EML4: variants seen among roughly 807,000 people sequenced by gnomAD.
EML4 encodes the protein echinoderm microtubule-associated protein-like 4.
Under a neutral mutation model 129.0 loss-of-function variants are expected in EML4, and 72 were observed. The ratio of observed to expected loss-of-function variants is 0.56; its 90% CI spans 0.46 to 0.68. The LOEUF (loss-of-function observed/expected upper bound fraction) is 0.68, where lower values mean the gene tolerates loss of function less well. Ranked by LOEUF, EML4 falls within the 30% of genes least tolerant of loss-of-function variation. The pLI is 0.00. For missense variants in EML4, 1,363 were observed against 1,190.6 expected (o/e 1.14, Z -2.13); for synonymous variants, 532 against 405.0 (o/e 1.31, Z -3.77).
intron 1 of EML4, among the ~76,000 whole-genome samples, chr2:42,206,919 C>T (rs978323929): frequency 2.4e-4 from 37 of 152,116 alleles, no homozygotes; most frequent in African/African-American, 6.0e-4. Flanking sequence ...TAGCTAATTT[C>T]TACATCTGTA....
At chr2:42,295,349 G>T in intron 12 of EML4, 32 bp from the exon 13 acceptor site, 1 of 1,605,448 alleles carries the variant, frequency 6.2e-7, no homozygotes, top group Non-Finnish European at 8.5e-7. Flanking sequence ...ATGGCAAAAA[G>T]AAAACTGAAA....
chr2:42,291,832 A>G (rs997720202), intron 11 of EML4, among the ~76,000 whole-genome samples: 1 of 152,216 alleles, frequency 6.6e-6, no homozygotes, highest in Non-Finnish European at 1.5e-5. Flanking sequence ...ACAGCAAAAG[A>G]CTTCCGGCAC....
intron 1 of EML4, among the ~76,000 whole-genome samples, chr2:42,226,982 A>G (rs748112622): frequency 2.6e-5 from 4 of 152,248 alleles, no homozygotes; most frequent in Non-Finnish European, 4.4e-5. Context: ...CAAAATTTCC[A>G]TGAAATTCAA....
At chr2:42,170,237 C>T (rs1670189300) in intron 1 of EML4, 1 of 152,288 alleles carries the variant, frequency 6.6e-6, no homozygotes, top group African/African-American at 2.4e-5. Context: ...CTTCTCTGAG[C>T]ATTTTGCAGT....
intron 13 of EML4, among the ~76,000 whole-genome samples, chr2:42,300,701 T>C (rs1668234314): frequency 6.6e-6 from 1 of 152,212 alleles, no homozygotes; most frequent in South Asian, 2.1e-4. Context: ...TTAACAATGG[T>C]TGTAAAACGT....
rs766201889 is a variant in EML4, at chr2:42,303,099, T to C, written c.1642-5T>C. ...TATATGGTGACTTTACACTTTTTTT[T>C]CTAGGTTCCTGATCAGTATGGCACA... On this transcript the variant is annotated splice_region_variant and splice_polypyrimidine_tract_variant and intron_variant, in intron 14 of 22. Coordinates refer to ENST00000318522, the MANE Select transcript of EML4 (RefSeq NM_019063.5). The C allele has an allele frequency of 6.2e-6, 10 of 1,613,220 alleles. No homozygotes were observed. The highest frequency in any genetic ancestry group is 3.3e-5 in the South Asian group (3 of 90,820).
In EML4 at chr2:42,264,103, G is replaced by GTTTTTTTTTTT. The variant is rs9309080; in HGVS notation, c.642-587_642-577dup. On this transcript the variant is annotated intron_variant, in intron 5 of 22. Coordinates refer to ENST00000318522, the MANE Select transcript of EML4 (RefSeq NM_019063.5). ...AAGGCTCCCAACTCAAACAATACGT[G>GTTTTTTTTTTT]TTTTTTTTTTTTTTTTTTTTTTTTT... 4.0e-5 allele frequency among the ~76,000 whole-genome samples: 4 copies of GTTTTTTTTTTT among 100,748 alleles called. 1 individual carries two copies. Among genetic ancestry groups the GTTTTTTTTTTT allele is most frequent in the African/African-American group, 7.2e-5 (2 of 27,904 alleles). The allele number at this position is 100,748 out of a possible 152,430, so 66.1% of individuals were successfully genotyped here.
chr2:42,179,349 T>C (rs1670799721), intron 1 of EML4, among the ~76,000 whole-genome samples: 1 of 151,330 alleles, frequency 6.6e-6, no homozygotes, highest in East Asian at 1.9e-4. Context: ...GGTAACTAAA[T>C]GAACTACCTG....
chr2:42,248,545 C>T (rs1675560672), intron 2 of EML4, among the ~76,000 whole-genome samples: 1 of 152,084 alleles, frequency 6.6e-6, no homozygotes, highest in Middle Eastern at 3.2e-3. Flanking sequence ...TATCCTTAGT[C>T]ATAATTCCTA....
chr2:42,183,775 T>C (rs1248013152), intron 1 of EML4, among the ~76,000 whole-genome samples: 1 of 152,196 alleles, frequency 6.6e-6, no homozygotes, highest in African/African-American at 2.4e-5. Flanking sequence ...AATCTGGCTG[T>C]ATTTCAATAA....
chr2:42,288,213 T>C lies in EML4; in HGVS notation c.1123-14T>C, dbSNP rs567975399. On this transcript the variant is annotated splice_polypyrimidine_tract_variant and intron_variant, in intron 10 of 22. Coordinates refer to ENST00000318522, the MANE Select transcript of EML4 (RefSeq NM_019063.5). Reference sequence around the variant, plus strand: ...CAGTGAATTTTAAAATGCCTCTGATTGACTTTTCTTTAGGATTCAGGTGTT... The same window carrying C: ...CAGTGAATTTTAAAATGCCTCTGATCGACTTTTCTTTAGGATTCAGGTGTT... 1.7e-5 allele frequency: 20 copies of C among 1,163,570 alleles called. No individual in the cohort carries two copies. In the South Asian group the frequency reaches 2.9e-4, roughly 17 times the overall value. The allele number at this position is 1,163,570 out of a possible 1,614,324, so 72.1% of individuals were successfully genotyped here. A position where few individuals can be genotyped will look rare whatever the true frequency, so the allele number is the denominator to read the frequency against.
intron 13 of EML4, among the ~76,000 whole-genome samples, chr2:42,300,716 C>T (rs369082825): frequency 1.5e-4 from 23 of 152,122 alleles, no homozygotes; most frequent in African/African-American, 4.3e-4. Flanking sequence ...AAACGTTAAA[C>T]GTTGTGACTG....
At chr2:42,292,037 G>A (rs983986790) in intron 11 of EML4, among the ~76,000 whole-genome samples, 34 of 152,292 alleles carry the variant, frequency 2.2e-4, no homozygotes, top group African/African-American at 7.9e-4. Context: ...CAGTGCTGCT[G>A]GGCATGTAAG....
chr2:42,315,404 G>A (rs1357060592), intron 17 of EML4, among the ~76,000 whole-genome samples: 1 of 152,100 alleles, frequency 6.6e-6, no homozygotes, highest in African/African-American at 2.4e-5. Flanking sequence ...ACAGTGCCTA[G>A]CAAAGAGACA....
intron 17 of EML4, among the ~76,000 whole-genome samples, chr2:42,305,725 T>C (rs57892674): frequency 0.034 from 5,169 of 152,314 alleles, 265 homozygotes; most frequent in African/African-American, 0.11. Context: ...GAAGTCAATT[T>C]TCCCAAAATT....
intron 6 of EML4, among the ~76,000 whole-genome samples, chr2:42,271,886 T>C (rs936624359): frequency 3.3e-5 from 5 of 151,472 alleles, no homozygotes; most frequent in Non-Finnish European, 5.9e-5. Context: ...GCAGATCACC[T>C]GAGGTCAGGA....
In EML4 at chr2:42,295,630, C is replaced by T. The variant is rs1394421581; in HGVS notation, c.1489+114C>T. 10 of 748,474 alleles carry T rather than the reference C, an allele frequency of 1.3e-5. No homozygotes were observed. The African/African-American group carries it at 1.4e-4, about 11-fold the overall frequency. 46.4% of individuals were successfully genotyped at this position (748,474 alleles called of 1,614,324 possible). ...GCAGTGTAACAATATGAGCAAGTCACCAACATACCTTTTGTTTTCAGCATT... is the reference window on the plus strand; with the variant it reads ...GCAGTGTAACAATATGAGCAAGTCATCAACATACCTTTTGTTTTCAGCATT... On this transcript the variant is annotated intron_variant, in intron 13 of 22. Coordinates refer to ENST00000318522, the MANE Select transcript of EML4 (RefSeq NM_019063.5).
rs575314532 is a variant in EML4, at chr2:42,332,029, G to A, written c.*1822G>A. 7.2e-5 allele frequency: 16 copies of A among 222,248 alleles called. No homozygotes were observed. The highest frequency in any genetic ancestry group is 1.3e-4 in the African/African-American group (6 of 44,770). The allele number at this position is 222,248 out of a possible 1,614,324, so 13.8% of individuals were successfully genotyped here. A position where few individuals can be genotyped will look rare whatever the true frequency, so the allele number is the denominator to read the frequency against. On this transcript the variant is annotated 3_prime_UTR_variant, in exon 23 of 23. Transcript: ENST00000318522. The stretch of plus-strand genomic sequence containing the variant: ...ATGTTCTGTACATACTTATCGGAGC[G>A]CGCCAGTAAGTATCAGGCATATATA...
intron 1 of EML4, among the ~76,000 whole-genome samples, chr2:42,233,240 T>C (rs1674459662): frequency 6.6e-6 from 1 of 152,160 alleles, no homozygotes; most frequent in Non-Finnish European, 1.5e-5. Flanking sequence ...GGTTTAAATT[T>C]ATAAAGTGCA....
Sources: gnomAD v4.1 joint callset for allele counts (sites outside exome capture counted in the v4.1 genomes callset) on GRCh38, gnomAD v4.1.1 for gene constraint, MANE v1.5 for transcripts, NCBI Gene and HGNC (gene_info 2026-07-23, HGNC 2026-07-21) for gene names.